Variants in CNTN5 observed in about 807,000 individuals in gnomAD.
The protein encoded by CNTN5 is contactin-5.
Under a neutral mutation model 129.1 loss-of-function variants are expected in CNTN5, and 77 were observed. The ratio of observed to expected loss-of-function variants is 0.60; its 90% confidence interval spans 0.50 to 0.72. The LOEUF (loss-of-function observed/expected upper bound fraction) is 0.72, where lower values mean the gene tolerates loss of function less well. CNTN5 is among the 30% of genes least tolerant of loss of function. CNTN5 has a pLI of 0.00. For missense variants in CNTN5, 1,478 were observed against 1,328.8 expected, an observed-to-expected ratio of 1.11 and a Z score of -1.75; for synonymous variants, 509 against 465.6, an observed-to-expected ratio of 1.09 and a Z score of -1.20.
At chr11:99,908,266 T>A (rs2135978768) in intron 6 of CNTN5, among the ~76,000 whole-genome samples, 1 of 152,068 alleles carries the variant, frequency 6.6e-6, no homozygotes, top group African/African-American at 2.4e-5. Flanking sequence ...TAAGGAAATA[T>A]TATGAAATAA....
chr11:99,154,624 A>G (rs1035464852), intron 1 of CNTN5, among the ~76,000 whole-genome samples: 2 of 152,120 alleles, frequency 1.3e-5, no homozygotes, highest in African/African-American at 4.8e-5. Flanking sequence ...GGTAGAAGGA[A>G]GGTGTGAGTA....
chr11:99,332,628 G>A (rs1591534203), intron 2 of CNTN5, among the ~76,000 whole-genome samples: 1 of 152,066 alleles, frequency 6.6e-6, no homozygotes, highest in African/African-American at 2.4e-5. Flanking sequence ...AACAATTAAG[G>A]GAAAGAGAGA....
chr11:100,323,288 C>T (rs529754957), intron 21 of CNTN5, among the ~76,000 whole-genome samples: 100 of 152,316 alleles, frequency 6.6e-4, no homozygotes, highest in East Asian at 2.7e-3. Flanking sequence ...TATCCTTTCT[C>T]GCTTCTTGAA....
At position 100,337,266 on chromosome 11, in the gene CNTN5, A is replaced by G; in HGVS notation, c.2731-3197A>G. ...GCCACCTGAGATCTTTTCAGAACAA[A>G]AAGAGCCTGGTAGCCTTTATAAATC... is the stretch of plus-strand genomic sequence containing the variant. On this transcript the variant is annotated intron_variant, in intron 21 of 24. Transcript: ENST00000524871. The G allele has an allele frequency of 4.4e-6, 6 of 1,372,990 alleles. No homozygotes were observed. The South Asian group carries it at 7.0e-5, about 16-fold the overall frequency. 85.1% of individuals were successfully genotyped at this position (1,372,990 alleles called of 1,614,324 possible). A position where few individuals can be genotyped will look rare whatever the true frequency, so the allele number is the denominator to read the frequency against.
intron 18 of CNTN5, among the ~76,000 whole-genome samples, chr11:100,297,384 T>A (rs539492557): frequency 1.3e-5 from 2 of 151,526 alleles, no homozygotes; most frequent in African/African-American, 4.8e-5. Flanking sequence ...AATTATTATT[T>A]AGAAATCACT....
chr11:100,297,801 T>C (rs1483997828), intron 19 of CNTN5, 106 bp downstream of exon 19: 14 of 829,498 alleles, frequency 1.7e-5, no homozygotes, highest in Non-Finnish European at 2.7e-5. Flanking sequence ...ATTTAGAGGC[T>C]AAAAACAGTG....
intron 1 of CNTN5, among the ~76,000 whole-genome samples, chr11:99,172,630 T>C (rs896128394): frequency 3.9e-5 from 6 of 152,190 alleles, no homozygotes; most frequent in African/African-American, 1.4e-4. Context: ...TTTTGTGAAG[T>C]AACCAAGTAG....
At chr11:99,139,271 C>T (rs1255070698) in intron 1 of CNTN5, among the ~76,000 whole-genome samples, 2 of 152,076 alleles carry the variant, frequency 1.3e-5, no homozygotes, top group Non-Finnish European at 2.9e-5. Flanking sequence ...GACCCCATAT[C>T]AAACGCAAAA....
At position 100,256,709 on chromosome 11, in the gene CNTN5, C is replaced by A. The variant is rs1442422716; in HGVS notation, c.2164+791C>A. On this transcript the variant is annotated intron_variant, in intron 17 of 24. Transcript: ENST00000524871. Reference sequence around the variant, plus strand: ...AGGAAGCATAGGGGGTCGGAGAATTCCCTCCCCTAGCCAAGGGAAGCTGTG... The same window carrying A: ...AGGAAGCATAGGGGGTCGGAGAATTACCTCCCCTAGCCAAGGGAAGCTGTG... Among the ~76,000 whole-genome samples the A allele has an allele frequency of 6.6e-5, 10 of 152,144 alleles. No individual in the cohort carries two copies. The South Asian group carries it at 1.2e-3, about 19-fold the overall frequency.
chr11:99,722,553 A>G (rs1395838415), intron 3 of CNTN5, among the ~76,000 whole-genome samples: 2 of 152,106 alleles, frequency 1.3e-5, no homozygotes, highest in Non-Finnish European at 2.9e-5. Context: ...GGGTAATTAA[A>G]TAATATCTAC....
chr11:100,160,740 A>G (rs902147286), intron 13 of CNTN5, among the ~76,000 whole-genome samples: 3 of 151,894 alleles, frequency 2.0e-5, no homozygotes, highest in African/African-American at 7.2e-5. Context: ...GACAACTAAC[A>G]TGCACCGTAT....
chr11:99,810,334 C>T lies in CNTN5; in HGVS notation c.56-9210C>T, dbSNP rs542542785. On this transcript the variant is annotated intron_variant, in intron 3 of 24. Coordinates refer to ENST00000524871, the MANE Select transcript of CNTN5 (RefSeq NM_014361.4). ...TAATTTCAAATCACGCTTCTTTTCC[C>T]TTGTAAATATGTCTATTTTTTCAGT... 9.2e-5 allele frequency among the ~76,000 whole-genome samples: 14 copies of T among 152,216 alleles called. 1 individual carries two copies. Among genetic ancestry groups the T allele is most frequent in the African/African-American group, 3.4e-4 (14 of 41,564 alleles).
At chr11:99,550,451 CT>C (rs1418962335) in intron 2 of CNTN5, among the ~76,000 whole-genome samples, 5 of 152,104 alleles carry the variant, frequency 3.3e-5, no homozygotes, top group Non-Finnish European at 5.9e-5. Context: ...TTTTATGTTC[CT>C]TTTCTATGAG....
At chr11:99,287,470 A>G (rs1258842987) in intron 1 of CNTN5, among the ~76,000 whole-genome samples, 1 of 152,064 alleles carries the variant, frequency 6.6e-6, no homozygotes, top group Non-Finnish European at 1.5e-5. Flanking sequence ...ATTCACAAAG[A>G]CCAACAGCTT....
chr11:100,100,954 T>C (rs35710404), intron 13 of CNTN5, among the ~76,000 whole-genome samples: 31,377 of 152,018 alleles, frequency 0.21, 3,493 homozygotes, highest in South Asian at 0.31. Context: ...ACTGATACAA[T>C]ATCTACAAAT....
intron 2 of CNTN5, among the ~76,000 whole-genome samples, chr11:99,454,128 A>G (rs2656183): frequency 0.53 from 80,487 of 151,890 alleles, 21,700 homozygotes; most frequent in East Asian, 0.65. Flanking sequence ...TGTCTGAACA[A>G]TTTCTGAAGA....
At chr11:99,760,520 G>T (rs1440476816) in intron 3 of CNTN5, among the ~76,000 whole-genome samples, 1 of 152,028 alleles carries the variant, frequency 6.6e-6, no homozygotes, top group Non-Finnish European at 1.5e-5. Context: ...CATTCATGAA[G>T]CTGTTAAAGA....
chr11:99,371,264 A>C, intron 2 of CNTN5, among the ~76,000 whole-genome samples: 1 of 152,104 alleles, frequency 6.6e-6, no homozygotes, highest in Non-Finnish European at 1.5e-5. Flanking sequence ...TAATGTAAAA[A>C]TTTTAAAGAT....
intron 3 of CNTN5, among the ~76,000 whole-genome samples, chr11:99,803,910 C>G (rs1292598777): frequency 6.6e-6 from 1 of 152,172 alleles, no homozygotes; most frequent in Non-Finnish European, 1.5e-5. Flanking sequence ...TTTACGAACT[C>G]TTGCTCTTTC....
Sources: allele counts gnomAD v4.1 joint callset (sites outside exome capture counted in the v4.1 genomes callset), GRCh38; gene constraint gnomAD v4.1.1; transcripts MANE v1.5; gene names NCBI Gene and HGNC (gene_info 2026-07-23, HGNC 2026-07-21).